The following CYP2C18 variants were observed in gnomAD, a reference collection of about 807,000 sequenced individuals.
CYP2C18 encodes cytochrome P450 2C18.
A neutral mutation model predicts 41.3 loss-of-function variants in CYP2C18; 38 were observed. That is an observed-to-expected ratio of 0.92 (90% CI 0.71 to 1.21). The LOEUF (loss-of-function observed/expected upper bound fraction) is 1.21, where lower values mean the gene tolerates loss of function less well. Among genes scored for constraint, CYP2C18 ranks in the 50% most tolerant of loss-of-function variants. The pLI is 0.00. For synonymous variants in CYP2C18, 236 were observed against 210.0 expected (o/e 1.12, Z -1.07); for missense variants, 635 against 591.4 (o/e 1.07, Z -0.77).
At chr10:94,694,736 T>C (rs1463878730) in intron 3 of CYP2C18, among the ~76,000 whole-genome samples, 181 bp from the exon 4 acceptor site, 2 of 152,204 alleles carry the variant, frequency 1.3e-5, no homozygotes, top group African/African-American at 2.4e-5. Context: ...GGTGGAATGA[T>C]TAATTCAGTT....
At chr10:94,730,369 A>AT (rs1369516005) in intron 7 of CYP2C18, among the ~76,000 whole-genome samples, 3 of 152,160 alleles carry the variant, frequency 2.0e-5, no homozygotes, top group African/African-American at 7.2e-5. Flanking sequence ...ATCAATAGCT[A>AT]TGACAATTCA....
chr10:94,705,838 A>T (rs1847333269), intron 4 of CYP2C18, among the ~76,000 whole-genome samples: 1 of 152,180 alleles, frequency 6.6e-6, no homozygotes, highest in Admixed American at 6.6e-5. Flanking sequence ...ATGCCTGAAT[A>T]TAGAGCTGGA....
intron 7 of CYP2C18, among the ~76,000 whole-genome samples, chr10:94,727,218 C>T (rs1002977233): frequency 2.6e-5 from 4 of 152,024 alleles, no homozygotes; most frequent in African/African-American, 9.7e-5. Context: ...TAGTTAAAAA[C>T]CATTTAAGGT....
intron 6 of CYP2C18, among the ~76,000 whole-genome samples, chr10:94,722,434 G>T (rs1279000109): frequency 6.6e-6 from 1 of 151,992 alleles, no homozygotes; most frequent in Non-Finnish European, 1.5e-5. Flanking sequence ...TTACAAATGA[G>T]AATTACTCCT....
At chr10:94,693,564 G>A (rs978979867) in intron 3 of CYP2C18, among the ~76,000 whole-genome samples, 6 of 152,112 alleles carry the variant, frequency 3.9e-5, no homozygotes, top group African/African-American at 1.4e-4. Context: ...ATGTTCATAT[G>A]CATGCACAAA....
Position 94,725,238 on chromosome 10 carries a change from C to A in CYP2C18, c.1149+705C>A, listed in dbSNP as rs571843504. ...TAGAGATGTGTGCCACTGCACCTGG[C>A]TTTTAAATAATATACTTTAAAAAAA... On this transcript the variant is annotated intron_variant, in intron 7 of 8. Coordinates refer to ENST00000285979, the MANE Select transcript of CYP2C18 (RefSeq NM_000772.3). Among the ~76,000 whole-genome samples, 8 of 151,414 alleles carry A rather than the reference C, an allele frequency of 5.3e-5. No homozygotes were observed. The South Asian group carries it at 1.7e-3, about 31-fold the overall frequency.
At chr10:94,688,102 G>T in intron 2 of CYP2C18, 23 bp from the exon 3 acceptor site, 2 of 1,613,232 alleles carry the variant, frequency 1.2e-6, no homozygotes, top group Non-Finnish European at 1.7e-6. Flanking sequence ...CTCCCTCGTA[G>T]CTTCTGTTTT....
At chr10:94,726,422 T>A (rs1362468615) in intron 7 of CYP2C18, among the ~76,000 whole-genome samples, 1 of 152,068 alleles carries the variant, frequency 6.6e-6, no homozygotes, top group Non-Finnish European at 1.5e-5. Flanking sequence ...CTCCCACTTA[T>A]AAGTGAGAAC....
chr10:94,707,592 T>C (rs2134191599), intron 5 of CYP2C18, among the ~76,000 whole-genome samples: 1 of 152,268 alleles, frequency 6.6e-6, no homozygotes, highest in East Asian at 1.9e-4. Context: ...ATGCGTATAA[T>C]TATTAGAGAA....
At chr10:94,735,163 C>A in intron 8 of CYP2C18, 100 bp from the exon 9 acceptor site, 2 of 1,201,040 alleles carry the variant, frequency 1.7e-6, no homozygotes, top group Non-Finnish European at 1.2e-6. Context: ...TTCGATCCAT[C>A]CATCTATTTA....
intron 4 of CYP2C18, among the ~76,000 whole-genome samples, chr10:94,704,934 G>A (rs151189742): frequency 6.6e-6 from 1 of 152,194 alleles, no homozygotes; most frequent in East Asian, 1.9e-4. Flanking sequence ...AGTGAGTTTT[G>A]AATCAGGTGA....
At chr10:94,711,736 A>C (rs926447933) in intron 5 of CYP2C18, among the ~76,000 whole-genome samples, 1 of 152,012 alleles carries the variant, frequency 6.6e-6, no homozygotes, top group African/African-American at 2.4e-5. Context: ...TCCTTATACA[A>C]TGTAAATGCC....
At chr10:94,689,191 C>G (rs1846952554) in intron 3 of CYP2C18, among the ~76,000 whole-genome samples, 1 of 151,950 alleles carries the variant, frequency 6.6e-6, no homozygotes, top group South Asian at 2.1e-4. Flanking sequence ...ATAGCATAGT[C>G]TTTCAATTTA....
chr10:94,718,885 C>T (rs552213019), intron 5 of CYP2C18, among the ~76,000 whole-genome samples: 4 of 152,212 alleles, frequency 2.6e-5, no homozygotes, highest in East Asian at 1.9e-4. Flanking sequence ...TGGTCTAAAT[C>T]CTCCTTTCCA....
rs766067518 is a variant in CYP2C18 at position 94,733,423 on chromosome 10, A to C, written c.1276A>C (p.Met426Leu). 3.7e-6 allele frequency: 6 copies of C among 1,613,312 alleles called. No individual in the cohort carries two copies. Among genetic ancestry groups the C allele is most frequent in the Non-Finnish European group, 5.1e-6 (6 of 1,179,510 alleles). The change falls in exon 8 of 9, where the codon ATG becomes CTG. Residue 426 changes from methionine to leucine, a missense_variant. Physicochemically the swap from Met to Leu is conservative, Grantham distance 15. Transcript: ENST00000285979. ...CAACTTTAAGAAAAGTGACTACTTCATGCCTTTCTCAGCAGGTAATAGATA... is the reference window on the plus strand; with the variant it reads ...CAACTTTAAGAAAAGTGACTACTTCCTGCCTTTCTCAGCAGGTAATAGATA... ...SGNFKKSDYF[M>L]PFSAGKRMCM...
At chr10:94,727,400 C>T (rs2134208164) in intron 7 of CYP2C18, among the ~76,000 whole-genome samples, 1 of 152,106 alleles carries the variant, frequency 6.6e-6, no homozygotes, top group Middle Eastern at 3.4e-3. Flanking sequence ...GGATCATTTG[C>T]ACCCAGGAGC....
At chr10:94,684,608 C>T (rs1846850275) in intron 1 of CYP2C18, among the ~76,000 whole-genome samples, 1 of 152,088 alleles carries the variant, frequency 6.6e-6, no homozygotes, top group Non-Finnish European at 1.5e-5. Context: ...TATTGATGAA[C>T]ACTTAGGTTG....
At chr10:94,697,450 A>G (rs1847139217) in intron 4 of CYP2C18, among the ~76,000 whole-genome samples, 1 of 152,224 alleles carries the variant, frequency 6.6e-6, no homozygotes, top group African/African-American at 2.4e-5. Context: ...TGTCACCACC[A>G]CGCCTGCCCT....
At chr10:94,707,645 T>A (rs1261622940) in intron 5 of CYP2C18, among the ~76,000 whole-genome samples, 1 of 152,126 alleles carries the variant, frequency 6.6e-6, no homozygotes, top group Non-Finnish European at 1.5e-5. Flanking sequence ...ACAATGAGAA[T>A]GGAGGTCAAA....
Sources: allele counts gnomAD v4.1 joint callset (sites outside exome capture counted in the v4.1 genomes callset), GRCh38; gene constraint gnomAD v4.1.1; transcripts MANE v1.5; gene names NCBI Gene and HGNC (gene_info 2026-07-23, HGNC 2026-07-21).